The following CNTN4 variants were observed in gnomAD, a reference collection of about 807,000 sequenced individuals.
CNTN4 encodes the protein contactin-4.
Under a neutral mutation model 122.5 loss-of-function variants are expected in CNTN4, and 77 were observed. The ratio of observed to expected loss-of-function variants is 0.63; its 90% confidence interval spans 0.52 to 0.76. CNTN4 has a LOEUF of 0.76. CNTN4 is among the 30% of genes least tolerant of loss of function. CNTN4 has a pLI of 0.00. For missense variants in CNTN4, 1,256 were observed against 1,259.1 expected, an observed-to-expected ratio of 1.00 and a Z score of 0.04; for synonymous variants, 512 against 447.0, an observed-to-expected ratio of 1.15 and a Z score of -1.83.
chr3:2,459,680 C>T (rs1349908778), intron 3 of CNTN4, among the ~76,000 whole-genome samples: 1 of 151,990 alleles, frequency 6.6e-6, no homozygotes, highest in African/African-American at 2.4e-5. Context: ...GTACTAAAGA[C>T]AGCTCAAAGC....
At chr3:2,664,020 A>T (rs2084030613) in intron 4 of CNTN4, among the ~76,000 whole-genome samples, 1 of 152,100 alleles carries the variant, frequency 6.6e-6, no homozygotes, top group Non-Finnish European at 1.5e-5. Flanking sequence ...GGTAGTGGGG[A>T]AAAGGGAACA....
At chr3:2,715,982 G>T (rs1361076993) in intron 4 of CNTN4, among the ~76,000 whole-genome samples, 1 of 151,870 alleles carries the variant, frequency 6.6e-6, no homozygotes, top group Non-Finnish European at 1.5e-5. Flanking sequence ...TTTCTTTTTC[G>T]AGAAAGGGTC....
chr3:2,926,293 A>G (rs984659543), intron 13 of CNTN4, among the ~76,000 whole-genome samples: 1 of 152,156 alleles, frequency 6.6e-6, no homozygotes, highest in Non-Finnish European at 1.5e-5. Context: ...TTTTATTTCA[A>G]CTACATATTT....
chr3:2,546,681 A>G (rs947526045), intron 3 of CNTN4, among the ~76,000 whole-genome samples: 5 of 152,176 alleles, frequency 3.3e-5, no homozygotes, highest in African/African-American at 9.6e-5. Flanking sequence ...AAATATGAAC[A>G]AAGTCCCAAT....
chr3:2,989,712 T>G (rs1305899591), intron 14 of CNTN4, among the ~76,000 whole-genome samples: 1 of 152,218 alleles, frequency 6.6e-6, no homozygotes, highest in Non-Finnish European at 1.5e-5. Flanking sequence ...CATCAGTGTA[T>G]GACTGACTGC....
intron 3 of CNTN4, among the ~76,000 whole-genome samples, chr3:2,442,578 C>T (rs2048480450): frequency 6.7e-6 from 1 of 148,964 alleles, no homozygotes; most frequent in African/African-American, 2.5e-5. Flanking sequence ...TAACCCCCAT[C>T]CCTAACACAC....
intron 4 of CNTN4, among the ~76,000 whole-genome samples, chr3:2,633,218 G>C (rs1267678600): frequency 6.6e-6 from 1 of 152,042 alleles, no homozygotes; most frequent in East Asian, 1.9e-4. Context: ...ACAACAGCTG[G>C]GAGCACTGTT....
At chr3:3,031,744 G>A (rs772515325) in intron 16 of CNTN4, among the ~76,000 whole-genome samples, 1 of 152,078 alleles carries the variant, frequency 6.6e-6, no homozygotes, top group East Asian at 1.9e-4. Flanking sequence ...CATGCTCAGG[G>A]GTTTTCTATA....
intron 12 of CNTN4, among the ~76,000 whole-genome samples, chr3:2,916,566 G>C (rs1339513047): frequency 7.3e-6 from 1 of 136,632 alleles, no homozygotes; most frequent in Non-Finnish European, 1.6e-5. Context: ...ATTTTTCTTA[G>C]TACAGAACAA....
At position 2,340,685 on chromosome 3, in the gene CNTN4, T is replaced by TTATATATATATA. The variant is rs373402290; in HGVS notation, c.-89+1467_-89+1478dup. 3.1e-3 allele frequency among the ~76,000 whole-genome samples: 92 copies of TTATATATATATA among 29,606 alleles called. 7 individuals carry two copies. Among genetic ancestry groups the TTATATATATATA allele is most frequent in the Non-Finnish European group, 4.9e-3 (59 of 12,060 alleles). 19.4% of individuals were successfully genotyped at this position (29,606 alleles called of 152,430 possible). A position where few individuals can be genotyped will look rare whatever the true frequency, so the allele number is the denominator to read the frequency against. On this transcript the variant is annotated intron_variant, in intron 3 of 24. Coordinates refer to ENST00000418658, the MANE Select transcript of CNTN4 (RefSeq NM_175607.3). The stretch of plus-strand genomic sequence containing the variant: ...ACAGAGCAAGACCTTGTCATAAATT[T>TTATATATATATA]TATATATATATATATATATATATAT...
At chr3:2,516,555 T>C (rs1487332193) in intron 3 of CNTN4, among the ~76,000 whole-genome samples, 3 of 152,090 alleles carry the variant, frequency 2.0e-5, no homozygotes, top group African/African-American at 7.2e-5. Context: ...TATTGTATAG[T>C]TAAAAAGGTA....
chr3:2,610,121 C>G (rs1400227278), intron 4 of CNTN4, among the ~76,000 whole-genome samples: 3 of 152,112 alleles, frequency 2.0e-5, no homozygotes, highest in African/African-American at 7.2e-5. Context: ...TTACAAAACA[C>G]TCATTCCATA....
intron 7 of CNTN4, among the ~76,000 whole-genome samples, chr3:2,835,010 T>C (rs763964688): frequency 1.4e-4 from 20 of 143,724 alleles, no homozygotes; most frequent in Non-Finnish European, 2.4e-4. Flanking sequence ...GTTCACACCA[T>C]TCTCCTGCTT....
intron 3 of CNTN4, among the ~76,000 whole-genome samples, chr3:2,391,179 G>T (rs1222131198): frequency 1.3e-5 from 2 of 152,134 alleles, no homozygotes; most frequent in Non-Finnish European, 1.5e-5. Context: ...TATGGGGTTG[G>T]ATACTTGCCA....
At chr3:2,671,777 G>T (rs2084529890) in intron 4 of CNTN4, among the ~76,000 whole-genome samples, 1 of 152,164 alleles carries the variant, frequency 6.6e-6, no homozygotes, top group Non-Finnish European at 1.5e-5. Flanking sequence ...TGGGGTTTTG[G>T]TGTGGATGTC....
intron 4 of CNTN4, among the ~76,000 whole-genome samples, chr3:2,667,669 G>A (rs1443355063): frequency 5.6e-5 from 7 of 125,732 alleles, no homozygotes; most frequent in Non-Finnish European, 1.0e-4. Context: ...CCTTGCCCAC[G>A]CCTATGTCCT....
At chr3:2,251,381 T>A (rs1377992816) in intron 2 of CNTN4, among the ~76,000 whole-genome samples, 1 of 151,984 alleles carries the variant, frequency 6.6e-6, no homozygotes, top group Non-Finnish European at 1.5e-5. Flanking sequence ...CTTCAATTAT[T>A]CTAATTTTTG....
At chr3:2,637,755 A>G (rs2082725950) in intron 4 of CNTN4, among the ~76,000 whole-genome samples, 1 of 152,170 alleles carries the variant, frequency 6.6e-6, no homozygotes, top group South Asian at 2.1e-4. Context: ...TTATCTGCCT[A>G]ACCTCTGATG....
rs1577089105 is a variant in CNTN4 at position 2,864,765 on chromosome 3, A to T, written c.455-1987A>T. ...CAAAAAAAAAAAAAAAGTTTCCGGT[A>T]TTTGATTCCAACTCTCCTTGGAGAA... On this transcript the variant is annotated intron_variant, in intron 7 of 24. Transcript: ENST00000418658. 2.0e-5 allele frequency among the ~76,000 whole-genome samples: 3 copies of T among 149,202 alleles called. No homozygotes were observed. The South Asian group carries it at 6.3e-4, about 32-fold the overall frequency.
Sources: allele counts gnomAD v4.1 joint callset (sites outside exome capture counted in the v4.1 genomes callset), GRCh38; gene constraint gnomAD v4.1.1; transcripts MANE v1.5; gene names NCBI Gene and HGNC (gene_info 2026-07-23, HGNC 2026-07-21).